The following MARCHF4 variants were observed in gnomAD, a reference collection of about 807,000 sequenced individuals.
MARCHF4 encodes the protein membrane associated ring-CH-type finger 4, also known as E3 ubiquitin-protein ligase MARCHF4.
MARCHF4 carries 14 observed loss-of-function variants against 43.9 expected under a neutral mutation model. The observed-to-expected ratio is 0.32, with a 90% CI of 0.21 to 0.50. MARCHF4 has a LOEUF of 0.50. Among genes scored for constraint, MARCHF4 ranks in the 20% least tolerant of loss-of-function variants. MARCHF4 has a pLI of 0.98. For missense variants in MARCHF4, 468 were observed against 536.7 expected (o/e 0.87, Z 1.27); for synonymous variants, 226 against 213.3 (o/e 1.06, Z -0.52).
At chr2:216,369,574 A>G (rs541335684) in intron 1 of MARCHF4, among the ~76,000 whole-genome samples, 171 bp downstream of exon 1, 1 of 152,372 alleles carries the variant, frequency 6.6e-6, no homozygotes, top group East Asian at 1.9e-4. Context: ...TCCACCAGGA[A>G]CCAGACACTC....
rs1692723254 is a variant in MARCHF4 at position 216,369,737 on chromosome 2, G to A, written c.516+8C>T. 6 of 1,556,800 alleles carry A rather than the reference G, an allele frequency of 3.9e-6. No homozygotes were observed. The highest frequency in any genetic ancestry group is 2.3e-5 in the East Asian group (1 of 44,122). Reference sequence around the variant, plus strand: ...ACAGGAAGCAGGAGAAGAGAAAAGGGGACTCACCTGTTCTGGCCCCTGGAA... The same window carrying A: ...ACAGGAAGCAGGAGAAGAGAAAAGGAGACTCACCTGTTCTGGCCCCTGGAA... On this transcript the variant is annotated splice_region_variant and intron_variant, in intron 1 of 3. Transcript: ENST00000273067.
At chr2:216,277,341 T>G (rs1691041417) in intron 3 of MARCHF4, among the ~76,000 whole-genome samples, 1 of 152,150 alleles carries the variant, frequency 6.6e-6, no homozygotes, top group Non-Finnish European at 1.5e-5. Context: ...CAGTATAGGG[T>G]GCACAGTGGA....
At chr2:216,358,577 G>C (rs567191471) in intron 1 of MARCHF4, among the ~76,000 whole-genome samples, 9 of 152,280 alleles carry the variant, frequency 5.9e-5, no homozygotes, top group Non-Finnish European at 1.2e-4. Flanking sequence ...TTTTATAAAA[G>C]AGCAAATAAG....
intron 1 of MARCHF4, among the ~76,000 whole-genome samples, chr2:216,293,481 C>G (rs1378328569): frequency 2.0e-5 from 3 of 151,976 alleles, no homozygotes; most frequent in African/African-American, 7.3e-5. Context: ...CTACCAGCAG[C>G]TTACTTTCAC....
At chr2:216,300,358 A>ACG (rs1691475194) in intron 1 of MARCHF4, among the ~76,000 whole-genome samples, 3 of 143,318 alleles carry the variant, frequency 2.1e-5, no homozygotes, top group African/African-American at 8.5e-5. Context: ...ATGTATATAT[A>ACG]TATATATATA....
At chr2:216,313,615 T>C (rs1333425114) in intron 1 of MARCHF4, among the ~76,000 whole-genome samples, 1 of 152,214 alleles carries the variant, frequency 6.6e-6, no homozygotes, top group Non-Finnish European at 1.5e-5. Flanking sequence ...CAAGTGTCCC[T>C]ATCTTCCTCT....
Position 216,357,141 on chromosome 2 carries a change from T to C in MARCHF4, c.516+12604A>G, listed in dbSNP as rs73066495. Among the ~76,000 whole-genome samples the C allele has an allele frequency of 7.9e-3, 1,199 of 152,342 alleles. 13 individuals carry two copies. Among genetic ancestry groups the C allele is most frequent in the African/African-American group, 0.027 (1,134 of 41,566 alleles). ...AATGACCCAAACTAGGAACTCAACA[T>C]TGATACAAGACTATTAACTAATCTA... On this transcript the variant is annotated intron_variant, in intron 1 of 3. Transcript: ENST00000273067.
intron 2 of MARCHF4, among the ~76,000 whole-genome samples, chr2:216,282,279 G>C (rs428418): frequency 0.55 from 84,025 of 151,944 alleles, 23,770 homozygotes; most frequent in African/African-American, 0.66. Flanking sequence ...GCACACTTGT[G>C]TGTGTGCAAC....
At position 216,277,825 on chromosome 2, in the gene MARCHF4, C is replaced by T. The variant is rs777314443; in HGVS notation, c.712G>A (p.Val238Ile). 1.2e-5 allele frequency: 20 copies of T among 1,613,728 alleles called. No homozygotes were observed. Among genetic ancestry groups the T allele is most frequent in the Non-Finnish European group, 1.5e-5 (18 of 1,179,782 alleles). The stretch of plus-strand genomic sequence containing the variant: ...AGGGAGCCCAGGATGGCGGCTGCAA[C>T]CTGAACCTTCTCAATGACCGTCAGA... ...ISLTVIEKVQ[V>I]AAAILGSLFL... Residue 238 changes from valine to isoleucine, a missense_variant, in exon 3 of 4, where the codon GTT becomes ATT. Val to Ile is a conservative substitution (Grantham distance 29). Coordinates refer to ENST00000273067, the MANE Select transcript of MARCHF4 (RefSeq NM_020814.3).
intron 1 of MARCHF4, among the ~76,000 whole-genome samples, chr2:216,317,127 C>T (rs1468921445): frequency 6.6e-6 from 1 of 152,190 alleles, no homozygotes; most frequent in African/African-American, 2.4e-5. Flanking sequence ...CCCCACCCCC[C>T]AAAGCCATAC....
intron 1 of MARCHF4, among the ~76,000 whole-genome samples, chr2:216,333,456 G>A (rs1279803196): frequency 2.6e-5 from 4 of 152,190 alleles, no homozygotes; most frequent in Non-Finnish European, 5.9e-5. Flanking sequence ...TGACCGCACT[G>A]GATTGACTCA....
intron 1 of MARCHF4, among the ~76,000 whole-genome samples, chr2:216,300,302 G>A (rs1254713484): frequency 7.1e-6 from 1 of 141,130 alleles, no homozygotes; most frequent in Non-Finnish European, 1.5e-5. Flanking sequence ...TTTCTTAAAT[G>A]CATATATATA....
At chr2:216,332,402 AAAG>A in intron 1 of MARCHF4, among the ~76,000 whole-genome samples, 1 of 151,728 alleles carries the variant, frequency 6.6e-6, no homozygotes. Context: ...AAAAAAAAAA[AAAG>A]AAAGAAAGAA....
intron 1 of MARCHF4, among the ~76,000 whole-genome samples, chr2:216,289,235 CCG>C (rs201051583): frequency 1.7e-4 from 20 of 118,406 alleles, no homozygotes; most frequent in South Asian, 6.5e-4. Flanking sequence ...TCTTCCCCAC[CCG>C]CCCCCCACCC....
chr2:216,277,911 T>C (rs771485522), intron 2 of MARCHF4, 47 bp from the exon 3 acceptor site: 8 of 1,532,150 alleles, frequency 5.2e-6, no homozygotes, highest in Non-Finnish European at 7.1e-6. Context: ...GATGCCCTTA[T>C]CCCATTCCCA....
At chr2:216,323,203 C>G (rs1231983788) in intron 1 of MARCHF4, among the ~76,000 whole-genome samples, 1 of 152,108 alleles carries the variant, frequency 6.6e-6, no homozygotes, top group Non-Finnish European at 1.5e-5. Context: ...AATTAATTTT[C>G]TCCTTTTTTG....
chr2:216,294,262 T>G (rs1691356821), intron 1 of MARCHF4, among the ~76,000 whole-genome samples: 1 of 152,246 alleles, frequency 6.6e-6, no homozygotes, highest in African/African-American at 2.4e-5. Flanking sequence ...CGAGCAGCCT[T>G]CCGTACACAG....
In MARCHF4 at chr2:216,259,138, A is replaced by G; in HGVS notation, c.*174T>C. 1 of 827,200 alleles carries G rather than the reference A, an allele frequency of 1.2e-6. No homozygotes were observed. The highest frequency in any genetic ancestry group is 2.5e-5 in the East Asian group (1 of 39,816). The allele number at this position is 827,200 out of a possible 1,614,324, so 51.2% of individuals were successfully genotyped here. ...AGAGTGGCATTGACTGATTGGAAAT[A>G]GCAGAACTGCTCCTGCACCAGCCTC... is the stretch of plus-strand genomic sequence containing the variant. On this transcript the variant is annotated 3_prime_UTR_variant, in exon 4 of 4. Transcript: ENST00000273067.
At chr2:216,362,486 A>T (rs1692599274) in intron 1 of MARCHF4, among the ~76,000 whole-genome samples, 1 of 152,210 alleles carries the variant, frequency 6.6e-6, no homozygotes, top group African/African-American at 2.4e-5. Flanking sequence ...ATTCAATCAC[A>T]TCCAAAACAA....
Sources: allele counts gnomAD v4.1 joint callset (sites outside exome capture counted in the v4.1 genomes callset), GRCh38; gene constraint gnomAD v4.1.1; transcripts MANE v1.5; gene names NCBI Gene and HGNC (gene_info 2026-07-23, HGNC 2026-07-21).